XRRA1: variants seen among roughly 807,000 people sequenced by gnomAD.
XRRA1 encodes X-ray radiation resistance associated 1.
A neutral mutation model predicts 80.2 loss-of-function variants in XRRA1; 69 were observed. The ratio of observed to expected loss-of-function variants is 0.86; its 90% CI spans 0.71 to 1.05. The LOEUF is 1.05. XRRA1 is among the 50% of genes least tolerant of loss of function. XRRA1 has a pLI of 0.00. For missense variants in XRRA1, 967 were observed against 976.4 expected, an observed-to-expected ratio of 0.99 and a Z score of 0.13; for synonymous variants, 348 against 389.9, an observed-to-expected ratio of 0.89 and a Z score of 1.27.
intron 10 of XRRA1, among the ~76,000 whole-genome samples, chr11:74,868,754 CAA>C (rs1388444940): frequency 1.3e-5 from 2 of 150,160 alleles, no homozygotes; most frequent in African/African-American, 4.9e-5. Flanking sequence ...AAAAAAAAGA[CAA>C]AGAAGGATAT....
chr11:74,852,229 G>A, intron 12 of XRRA1, 147 bp from the exon 13 acceptor site: 2 of 650,642 alleles, frequency 3.1e-6, no homozygotes, highest in Admixed American at 2.5e-5. Flanking sequence ...GGGACTCACT[G>A]CTGGGTGATG....
At position 74,841,959 on chromosome 11, in the gene XRRA1, A is replaced by G. The variant is rs769144388; in HGVS notation, c.*1241T>C. On this transcript the variant is annotated 3_prime_UTR_variant, in exon 19 of 19. Coordinates refer to ENST00000684022, the MANE Select transcript of XRRA1 (RefSeq NM_001378157.1). ...CAGAGCACTTAAAAGTCCTAGTGAG[A>G]GAATAGATACTATGCAAGGGAAAAA... 1.6e-4 allele frequency: 25 copies of G among 152,372 alleles called. No homozygotes were observed. Among genetic ancestry groups the G allele is most frequent in the Admixed American group, 4.6e-4 (7 of 15,302 alleles). The allele number at this position is 152,372 out of a possible 1,614,324, so 9.4% of individuals were successfully genotyped here.
chr11:74,875,736 T>TGGTGCACGCCTGTAATCCCGGTTACTTG (rs1218345046), intron 10 of XRRA1, among the ~76,000 whole-genome samples: 3 of 152,140 alleles, frequency 2.0e-5, no homozygotes, highest in Non-Finnish European at 4.4e-5. Flanking sequence ...CCAGATGTGG[T>TGGTGCACGCCTGTAATCCCGGTTACTTG]GGTGCACGCC....
intron 3 of XRRA1, 137 bp downstream of exon 3, chr11:74,940,648 A>G (rs1946137834): frequency 2.9e-6 from 2 of 690,376 alleles, no homozygotes; most frequent in Non-Finnish European, 5.0e-6. Context: ...CATGGAGGCT[A>G]CTAGGACTGG....
At chr11:74,926,757 T>C (rs1942334512) in intron 7 of XRRA1, among the ~76,000 whole-genome samples, 1 of 152,178 alleles carries the variant, frequency 6.6e-6, no homozygotes, top group African/African-American at 2.4e-5. Context: ...AAACCAAGAA[T>C]GCAAACAAAA....
At position 74,843,871 on chromosome 11, in the gene XRRA1, A is replaced by C; in HGVS notation, c.2132T>G (p.Ile711Ser). ...AGCCGTACCTAGTGGAGCCTCTGTA[A>C]TGTTCCGGGGATCCCGCAAGCGAAT... ...IFIRLRDPRN[I>S]TEAPLGAVLH... Residue 711 changes from isoleucine (I) to serine (S), a missense_variant, in exon 18 of 19, where the codon ATT becomes AGT. By Grantham distance (142) the Ile-to-Ser change is moderately radical (BLOSUM62 -2). Coordinates refer to ENST00000684022, the MANE Select transcript of XRRA1 (RefSeq NM_001378157.1). 3 of 1,611,258 alleles carry C rather than the reference A, an allele frequency of 1.9e-6. No individual in the cohort carries two copies. Among genetic ancestry groups the C allele is most frequent in the Non-Finnish European group, 1.7e-6 (2 of 1,178,730 alleles).
At chr11:74,880,393 T>A (rs2047226224) in intron 10 of XRRA1, among the ~76,000 whole-genome samples, 1 of 151,976 alleles carries the variant, frequency 6.6e-6, no homozygotes, top group Admixed American at 6.6e-5. Context: ...TCAATTTTGT[T>A]GATCCTTTCA....
intron 10 of XRRA1, among the ~76,000 whole-genome samples, chr11:74,899,615 T>C (rs958320205): frequency 4.6e-5 from 7 of 152,186 alleles, no homozygotes; most frequent in African/African-American, 1.7e-4. Context: ...CATAAGTGGC[T>C]ACTATGAACA....
chr11:74,936,947 C>G lies in XRRA1; in HGVS notation c.216G>C (p.Lys72Asn). 6.2e-7 allele frequency: 1 copy of G among 1,613,902 alleles called. No homozygotes were observed. The change falls in exon 4 of 19, where the codon AAG becomes AAC. Residue 72 changes from lysine (K) to asparagine (N), a missense_variant. Physicochemically the swap from Lys to Asn is moderately conservative, Grantham distance 94 (BLOSUM62 0). Transcript: ENST00000684022. The stretch of plus-strand genomic sequence containing the variant: ...CCTGATTTTCCCGCCGAGACTCTTT[C>G]TTCCCCTTGAACTCAAAAGAAGTCG... ...LKATSFEFKG[K>N]KESRRENQVD...
At chr11:74,876,570 T>G (rs969987539) in intron 10 of XRRA1, 1 of 152,098 alleles carries the variant, frequency 6.6e-6, no homozygotes, top group African/African-American at 2.4e-5. Context: ...GACTCTGCCC[T>G]CTGTCTCCCT....
At chr11:74,924,174 A>T (rs1052702255) in intron 7 of XRRA1, among the ~76,000 whole-genome samples, 43 of 150,656 alleles carry the variant, frequency 2.9e-4, no homozygotes, top group African/African-American at 9.0e-4. Context: ...TGAAAAAAAT[A>T]AAAAAAAAGA....
intron 10 of XRRA1, among the ~76,000 whole-genome samples, chr11:74,893,870 A>G (rs1212021798): frequency 6.6e-6 from 1 of 152,242 alleles, no homozygotes; most frequent in Non-Finnish European, 1.5e-5. Flanking sequence ...CAGAATTACT[A>G]TTGGATCCAG....
At chr11:74,900,192 AAAT>A (rs763613667) in intron 10 of XRRA1, among the ~76,000 whole-genome samples, 139 of 151,906 alleles carry the variant, frequency 9.2e-4, no homozygotes, top group African/African-American at 3.2e-3. Context: ...TAAATAAATA[AAAT>A]AATAATAATA....
chr11:74,943,808 C>T (rs569073879), intron 2 of XRRA1, among the ~76,000 whole-genome samples: 1 of 152,092 alleles, frequency 6.6e-6, no homozygotes, highest in South Asian at 2.1e-4. Flanking sequence ...GGCTACATTT[C>T]TTTTTTCTGA....
intron 2 of XRRA1, among the ~76,000 whole-genome samples, chr11:74,942,601 G>C (rs889367396): frequency 6.6e-6 from 1 of 152,194 alleles, no homozygotes; most frequent in Non-Finnish European, 1.5e-5. Context: ...GGCAGACAGA[G>C]TCACTACCAA....
At chr11:74,909,852 G>A (rs79781850) in intron 8 of XRRA1, 1 of 152,288 alleles carries the variant, frequency 6.6e-6, no homozygotes, top group Non-Finnish European at 1.5e-5. Flanking sequence ...CTAAGGGTAT[G>A]TGCAGTGGTT....
At chr11:74,921,581 C>T (rs538695639) in intron 7 of XRRA1, among the ~76,000 whole-genome samples, 8 of 152,280 alleles carry the variant, frequency 5.3e-5, no homozygotes, top group African/African-American at 1.9e-4. Flanking sequence ...AGACTCCTCC[C>T]CGCTGTTTGC....
rs1331000875 is a variant in XRRA1 at position 74,842,224 on chromosome 11, CAA to C, written c.*974_*975del. Reference sequence around the variant, plus strand: ...CCAACTCATCAGAAGAGCATTTTGACAAAGACAGAGGACTTGGACCAGGGCAT... The same window carrying C: ...CCAACTCATCAGAAGAGCATTTTGACAGACAGAGGACTTGGACCAGGGCAT... On this transcript the variant is annotated 3_prime_UTR_variant, in exon 19 of 19. Coordinates refer to ENST00000684022, the MANE Select transcript of XRRA1 (RefSeq NM_001378157.1). The C allele has an allele frequency of 2.0e-5, 3 of 152,184 alleles. No individual in the cohort carries two copies. Among genetic ancestry groups the C allele is most frequent in the African/African-American group, 7.2e-5 (3 of 41,440 alleles). 9.4% of individuals were successfully genotyped at this position (152,184 alleles called of 1,614,324 possible).
Position 74,848,224 on chromosome 11 carries a change from A to C in XRRA1, c.1619T>G (p.Val540Gly), listed in dbSNP as rs775488485. 1 of 1,613,856 alleles carries C rather than the reference A, an allele frequency of 6.2e-7. No homozygotes were observed. Among genetic ancestry groups the C allele is most frequent in the Non-Finnish European group, 8.5e-7 (1 of 1,179,860 alleles). The part of the protein sequence containing the change: ...PLPPICSNST[V>G]HSEETLSHLS... ...GTGGGACAGGGTCTCTTCACTATGC[A>C]CAGTGGAGTTGGAGCAGATGGGAGG... The change falls in exon 15 of 19, where the codon GTG (valine) becomes GGG (glycine). Residue 540 changes from valine (V) to glycine (G), a missense_variant. Transcript: ENST00000684022.
Sources: gnomAD v4.1 joint callset for allele counts (sites outside exome capture counted in the v4.1 genomes callset) on GRCh38, gnomAD v4.1.1 for gene constraint, MANE v1.5 for transcripts, NCBI Gene and HGNC (gene_info 2026-07-23, HGNC 2026-07-21) for gene names.